OPCML: variants seen among roughly 807,000 people sequenced by gnomAD.
OPCML encodes the protein opioid binding protein/cell adhesion molecule like.
A neutral mutation model predicts 37.8 loss-of-function variants in OPCML; 13 were observed. The observed-to-expected ratio is 0.34, with a 90% CI of 0.22 to 0.55. The LOEUF is 0.55. OPCML is among the 20% of genes least tolerant of loss of function. OPCML has a pLI of 0.91. For synonymous variants in OPCML, 176 were observed against 168.8 expected, an observed-to-expected ratio of 1.04 and a Z score of -0.33; for missense variants, 341 against 435.6, an observed-to-expected ratio of 0.78 and a Z score of 1.93.
intron 4 of OPCML, among the ~76,000 whole-genome samples, chr11:132,442,854 G>A (rs985182001): frequency 6.6e-5 from 10 of 152,212 alleles, no homozygotes; most frequent in African/African-American, 2.2e-4. Context: ...ACTGTGAGTC[G>A]ATTAAACCTC....
At chr11:133,372,472 G>A (rs973278184) in intron 1 of OPCML, among the ~76,000 whole-genome samples, 9 of 152,112 alleles carry the variant, frequency 5.9e-5, no homozygotes, top group African/African-American at 2.2e-4. Context: ...AATGAGAAAT[G>A]CATATGAAAG....
intron 7 of OPCML, among the ~76,000 whole-genome samples, chr11:132,432,982 G>A (rs984901256): frequency 1.3e-5 from 2 of 152,218 alleles, no homozygotes; most frequent in Admixed American, 1.3e-4. Context: ...CGCGGAATGA[G>A]TGGATGCAGA....
At chr11:132,649,582 G>T (rs1172077442) in intron 3 of OPCML, among the ~76,000 whole-genome samples, 3 of 151,892 alleles carry the variant, frequency 2.0e-5, no homozygotes, top group Admixed American at 1.3e-4. Context: ...TGTTATAGAG[G>T]GTATTCTGGA....
intron 1 of OPCML, among the ~76,000 whole-genome samples, chr11:133,164,649 G>A (rs1170397579): frequency 6.6e-6 from 1 of 152,182 alleles, no homozygotes; most frequent in Non-Finnish European, 1.5e-5. Context: ...CCCAGGAGCT[G>A]GTATGCAGTC....
intron 1 of OPCML, among the ~76,000 whole-genome samples, chr11:133,500,418 T>C (rs902263834): frequency 2.0e-5 from 3 of 152,220 alleles, no homozygotes; most frequent in African/African-American, 4.8e-5. Context: ...CATTATGCTA[T>C]TAAAAACAGA....
chr11:133,354,259 G>T, intron 1 of OPCML, among the ~76,000 whole-genome samples: 1 of 22,638 alleles, frequency 4.4e-5, no homozygotes, highest in Non-Finnish European at 1.3e-4. Context: ...GGTGATAGTG[G>T]TGGTGGTAGT....
intron 3 of OPCML, among the ~76,000 whole-genome samples, chr11:132,545,413 A>G (rs1454272711): frequency 6.6e-6 from 1 of 152,198 alleles, no homozygotes; most frequent in African/African-American, 2.4e-5. Flanking sequence ...TTCCCAGTAA[A>G]TAGGAAACTT....
chr11:132,684,474 C>T (rs954684307), intron 2 of OPCML, among the ~76,000 whole-genome samples: 14 of 152,060 alleles, frequency 9.2e-5, no homozygotes, highest in South Asian at 4.1e-4. Flanking sequence ...GGCACATTAG[C>T]GTATTAAGCC....
intron 2 of OPCML, among the ~76,000 whole-genome samples, chr11:132,813,004 T>C (rs1232398421): frequency 6.6e-6 from 1 of 152,188 alleles, no homozygotes; most frequent in African/African-American, 2.4e-5. Flanking sequence ...CACTGAGCAG[T>C]TCTGTAAAAC....
At chr11:132,470,304 C>A (rs1378642409) in intron 4 of OPCML, among the ~76,000 whole-genome samples, 1 of 151,734 alleles carries the variant, frequency 6.6e-6, no homozygotes, top group East Asian at 1.9e-4. Flanking sequence ...GGGTAAGGAC[C>A]CCAGGGCTTC....
chr11:133,522,696 C>T (rs1246789253), intron 1 of OPCML, among the ~76,000 whole-genome samples: 2 of 152,086 alleles, frequency 1.3e-5, no homozygotes, highest in Non-Finnish European at 2.9e-5. Context: ...CGACAGGTGA[C>T]GAGAAGAGCT....
At chr11:133,126,020 A>G (rs111849556) in intron 1 of OPCML, among the ~76,000 whole-genome samples, 1 of 150,778 alleles carries the variant, frequency 6.6e-6, no homozygotes, top group East Asian at 2.0e-4. Context: ...ACATATGTGT[A>G]TATATACACT....
intron 4 of OPCML, among the ~76,000 whole-genome samples, chr11:132,466,808 T>C (rs1209449115): frequency 6.6e-6 from 1 of 152,208 alleles, no homozygotes; most frequent in Non-Finnish European, 1.5e-5. Context: ...TGGTACACAT[T>C]CATCCATTTT....
At chr11:132,756,667 A>G (rs1946059321) in intron 2 of OPCML, among the ~76,000 whole-genome samples, 2 of 152,196 alleles carry the variant, frequency 1.3e-5, no homozygotes. Context: ...TACCTCCGAA[A>G]TGAGGCTCCA....
intron 1 of OPCML, among the ~76,000 whole-genome samples, chr11:133,440,782 C>CTGTG (rs58071870): frequency 3.1e-5 from 4 of 129,594 alleles, no homozygotes; most frequent in South Asian, 2.5e-4. Context: ...ATATATATAT[C>CTGTG]TGTGTGTGTG....
At chr11:132,606,346 C>T (rs1396475630) in intron 3 of OPCML, among the ~76,000 whole-genome samples, 1 of 152,158 alleles carries the variant, frequency 6.6e-6, no homozygotes, top group African/African-American at 2.4e-5. Context: ...TCCTGTCCCA[C>T]GATGGCAGCT....
At chr11:133,351,178 G>A (rs1212286512) in intron 1 of OPCML, among the ~76,000 whole-genome samples, 1 of 152,160 alleles carries the variant, frequency 6.6e-6, no homozygotes, top group South Asian at 2.1e-4. Flanking sequence ...TCAAAATCTT[G>A]TCAATATCTA....
At chr11:133,505,613 T>A (rs561824237) in intron 1 of OPCML, among the ~76,000 whole-genome samples, 8 of 152,242 alleles carry the variant, frequency 5.3e-5, no homozygotes, top group African/African-American at 1.2e-4. Flanking sequence ...ACATTTTCCA[T>A]CTACTCAGTT....
At position 132,846,394 on chromosome 11, in the gene OPCML, CAG is replaced by C. The variant is rs1377875904; in HGVS notation, c.146+96530_146+96531del. 5.3e-5 allele frequency among the ~76,000 whole-genome samples: 8 copies of C among 152,328 alleles called. No individual in the cohort carries two copies. The East Asian group carries it at 1.3e-3, about 26-fold the overall frequency. ...CTACATTGGAGTTGGCAGATAATGTCAGAGTGGCTGGGAAATAATTTATTTTA... is the reference window on the plus strand; with the variant it reads ...CTACATTGGAGTTGGCAGATAATGTCAGTGGCTGGGAAATAATTTATTTTA... On this transcript the variant is annotated intron_variant, in intron 2 of 7. Transcript: ENST00000524381.
Sources: gnomAD v4.1 joint callset for allele counts (sites outside exome capture counted in the v4.1 genomes callset) on GRCh38, gnomAD v4.1.1 for gene constraint, MANE v1.5 for transcripts, NCBI Gene and HGNC (gene_info 2026-07-23, HGNC 2026-07-21) for gene names.